The following ZZEF1 variants were observed in gnomAD, a reference collection of about 807,000 sequenced individuals.
ZZEF1 encodes zinc finger ZZ-type and EF-hand domain-containing protein 1.
In ZZEF1, 157 loss-of-function variants were observed where a neutral mutation model predicts 342.8. The observed-to-expected ratio is 0.46, with a 90% confidence interval of 0.40 to 0.52. The LOEUF (loss-of-function observed/expected upper bound fraction) is 0.52, where lower values mean the gene tolerates loss of function less well. ZZEF1 is among the 20% of genes least tolerant of loss of function. The pLI is 0.00. For missense variants in ZZEF1, 3,480 were observed against 3,725.6 expected (o/e 0.93, Z 1.72); for synonymous variants, 1,505 against 1,429.1 (o/e 1.05, Z -1.20).
chr17:4,062,752 C>T lies in ZZEF1; in HGVS notation c.4883+1G>A. On this transcript the variant is annotated splice_donor_variant, in intron 30 of 54. Coordinates refer to ENST00000381638, the MANE Select transcript of ZZEF1 (RefSeq NM_015113.4). LOFTEE classifies it high-confidence loss of function. ...CTTCTGGACCTGTCCTTTGTACTTA[C>T]TTGGTAAAATCTTTCTGACAGGTCA... is the stretch of plus-strand genomic sequence containing the variant. The T allele has an allele frequency of 1.3e-6, 2 of 1,599,404 alleles. No individual in the cohort carries two copies. The highest frequency in any genetic ancestry group is 2.2e-5 in the East Asian group (1 of 44,644).
rs963330662 is a variant in ZZEF1, at chr17:4,016,242, A to G, written c.8145+81T>C. Reference sequence around the variant, plus strand: ...GGAGAGAGCCACAGAGGGGCTGAGCATGGAGGGGCTGAGCACGGAGGGGCT... The same window carrying G: ...GGAGAGAGCCACAGAGGGGCTGAGCGTGGAGGGGCTGAGCACGGAGGGGCT... On this transcript the variant is annotated intron_variant, in intron 49 of 54. Transcript: ENST00000381638. The surrounding 1 kb of genome is among the most constrained non-coding windows in gnomAD (Gnocchi z 4.4). 15 of 1,504,746 alleles carry G rather than the reference A, an allele frequency of 1.0e-5. No homozygotes were observed. The Admixed American group carries it at 2.8e-4, about 28-fold the overall frequency. The allele number at this position is 1,504,746 out of a possible 1,614,324, so 93.2% of individuals were successfully genotyped here.
chr17:4,136,187 T>A (rs1330259677), intron 1 of ZZEF1, among the ~76,000 whole-genome samples: 1 of 150,130 alleles, frequency 6.7e-6, no homozygotes, highest in African/African-American at 2.5e-5. Flanking sequence ...CTACTAAAAA[T>A]ACAGAAATTA....
At chr17:4,078,155 G>A (rs924024053) in intron 18 of ZZEF1, 113 bp from the exon 19 acceptor site, 11 of 1,130,118 alleles carry the variant, frequency 9.7e-6, no homozygotes, top group Middle Eastern at 3.1e-4. Context: ...CTATAGCCAC[G>A]GAAAAGTCAT....
At chr17:4,038,326 C>T (rs913634914) in intron 39 of ZZEF1, among the ~76,000 whole-genome samples, 3 of 152,188 alleles carry the variant, frequency 2.0e-5, no homozygotes, top group African/African-American at 7.2e-5. Context: ...TCAAAAGCCA[C>T]AGACAGGTGT....
chr17:4,074,434 C>T (rs892906631), intron 23 of ZZEF1, 83 bp from the exon 24 acceptor site: 13 of 1,387,336 alleles, frequency 9.4e-6, no homozygotes, highest in African/African-American at 7.1e-5. Context: ...TGACGAGAAA[C>T]ATCTCAGTTT....
chr17:4,040,560 C>T (rs532507093), intron 39 of ZZEF1, among the ~76,000 whole-genome samples: 9 of 152,204 alleles, frequency 5.9e-5, no homozygotes, highest in Non-Finnish European at 1.0e-4. Flanking sequence ...AAAGGTTACA[C>T]TGTTAATTAA....
At position 4,075,146 on chromosome 17, in the gene ZZEF1, C is replaced by T; in HGVS notation, c.3434G>A (p.Gly1145Asp). Reference protein sequence around the residue: ...YDYLEFTDARGRKTRYDTKVG... With the variant: ...YDYLEFTDARDRKTRYDTKVG... Reference sequence around the variant, plus strand: ...TTTTGTGTCATAGCGTGTTTTCCGACCTCTAGCGTCGGTAAATTCCAGATA... The same window carrying T: ...TTTTGTGTCATAGCGTGTTTTCCGATCTCTAGCGTCGGTAAATTCCAGATA... Residue 1145 changes from glycine (G) to aspartate (D), a missense_variant, in exon 23 of 55, where the codon GGT becomes GAT. Physicochemically the swap from Gly to Asp is moderately conservative, Grantham distance 94. Around this residue, in one of 5 missense-constraint regions of ZZEF1, gnomAD observed 1,528 missense variants for 1,624.1 expected, o/e 0.94. Transcript: ENST00000381638. 1 of 1,614,230 alleles carries T rather than the reference C, an allele frequency of 6.2e-7. No homozygotes were observed. Among genetic ancestry groups the T allele is most frequent in the Non-Finnish European group, 8.5e-7 (1 of 1,180,050 alleles).
Position 4,054,067 on chromosome 17 carries a change from A to C in ZZEF1, c.5424T>G (p.Thr1808=). The C allele has an allele frequency of 6.2e-7, 1 of 1,610,352 alleles. No homozygotes were observed. Among genetic ancestry groups the C allele is most frequent in the Non-Finnish European group, 8.5e-7 (1 of 1,177,942 alleles). ...LQCSDMDLCK[T]CFLGGVKPEG... ...GTTCATGAAATTTACCTAGGAAGCA[A>C]GTTTTGCAGAGATCCATGTCGCTGC... Residue 1808 remains threonine, a synonymous_variant, in exon 34 of 55, where the codon ACT becomes ACG. Coordinates refer to ENST00000381638, the MANE Select transcript of ZZEF1 (RefSeq NM_015113.4).
At chr17:4,069,623 G>A (rs1165574659) in intron 26 of ZZEF1, among the ~76,000 whole-genome samples, 1 of 152,184 alleles carries the variant, frequency 6.6e-6, no homozygotes, top group Non-Finnish European at 1.5e-5. Flanking sequence ...CTGAGGTCAG[G>A]AGTTCAAGAC....
chr17:4,075,066 G>A (rs779554541), intron 23 of ZZEF1, 31 bp downstream of exon 23: 1 of 1,603,754 alleles, frequency 6.2e-7, no homozygotes, highest in South Asian at 1.1e-5. Flanking sequence ...TGGTGCAGAA[G>A]TAGGTACCTC....
chr17:4,071,661 G>A (rs925216221), intron 25 of ZZEF1, among the ~76,000 whole-genome samples: 12 of 152,338 alleles, frequency 7.9e-5, no homozygotes, highest in Admixed American at 2.0e-4. Flanking sequence ...GGAGACAGGT[G>A]AGGACAGGGG....
chr17:4,075,158 G>C lies in ZZEF1; in HGVS notation c.3422C>G (p.Thr1141Ser). ...TEKRYDYLEF[T>S]DARGRKTRYD... is the part of the protein sequence containing the mutation. ...GCGTGTTTTCCGACCTCTAGCGTCG[G>C]TAAATTCCAGATAATCATACCTGTG... The change falls in exon 23 of 55, where the codon ACC becomes AGC. Residue 1141 changes from threonine (T) to serine (S), a missense_variant. By Grantham distance (58) the Thr-to-Ser change is moderately conservative. Transcript: ENST00000381638. 2 of 1,614,202 alleles carry C rather than the reference G, an allele frequency of 1.2e-6. No homozygotes were observed. The highest frequency in any genetic ancestry group is 1.7e-6 in the Non-Finnish European group (2 of 1,180,030).
At chr17:4,140,640 C>T (rs2058828421) in intron 1 of ZZEF1, among the ~76,000 whole-genome samples, 1 of 152,152 alleles carries the variant, frequency 6.6e-6, no homozygotes, top group Non-Finnish European at 1.5e-5. Flanking sequence ...ATTTCTGGAC[C>T]ACACCTCAAG....
intron 37 of ZZEF1, among the ~76,000 whole-genome samples, 192 bp downstream of exon 37, chr17:4,049,516 A>G (rs557461392): frequency 5.9e-5 from 9 of 152,290 alleles, no homozygotes; most frequent in South Asian, 4.1e-4. Context: ...GTTTCAAAAC[A>G]AAACAAAAGA....
chr17:4,054,243 C>A (rs1168564741), intron 33 of ZZEF1, 48 bp from the exon 34 acceptor site: 2 of 1,576,774 alleles, frequency 1.3e-6, no homozygotes, highest in Admixed American at 3.5e-5. Context: ...TCTAAGGTGG[C>A]CACAATTCAC....
At chr17:4,096,807 G>T in intron 9 of ZZEF1, 107 bp from the exon 10 acceptor site, 1 of 850,478 alleles carries the variant, frequency 1.2e-6, no homozygotes, top group South Asian at 1.5e-5. Flanking sequence ...GGGGTAACTG[G>T]TCTGATATCT....
At chr17:4,009,381 T>C (rs934253503) in intron 53 of ZZEF1, 9 of 624,664 alleles carry the variant, frequency 1.4e-5, no homozygotes, top group East Asian at 5.6e-5. Context: ...TTCTCCCCCA[T>C]TGGCTCTAGG....
At position 4,028,889 on chromosome 17, in the gene ZZEF1, T is replaced by C. The variant is rs930762853; in HGVS notation, c.6892+3237A>G. Among the ~76,000 whole-genome samples, 6 of 152,346 alleles carry C rather than the reference T, an allele frequency of 3.9e-5. No homozygotes were observed. The South Asian group carries it at 1.0e-3, about 26-fold the overall frequency. On this transcript the variant is annotated intron_variant, in intron 42 of 54. Coordinates refer to ENST00000381638, the MANE Select transcript of ZZEF1 (RefSeq NM_015113.4). ...TCTGAGGATACTAAAGGATGACTAC[T>C]CTATGCAAATGCTATTTTTAAAAAT...
chr17:4,014,595 T>G lies in ZZEF1; in HGVS notation c.8146-80A>C. The G allele has an allele frequency of 6.8e-7, 1 of 1,476,080 alleles. No homozygotes were observed. The highest frequency in any genetic ancestry group is 9.4e-7 in the Non-Finnish European group (1 of 1,066,122). 91.4% of individuals were successfully genotyped at this position (1,476,080 alleles called of 1,614,324 possible). A position where few individuals can be genotyped will look rare whatever the true frequency, so the allele number is the denominator to read the frequency against. ...TGCAGCTGTCCCATGCCGAGTCCTG[T>G]GGCTGGACCCGGGTGTGTGAGAATG... On this transcript the variant is annotated intron_variant, in intron 49 of 54. Transcript: ENST00000381638. This position sits in a 1 kb window ranked among gnomAD's most constrained non-coding sequence, Gnocchi z 4.4.
Sources: allele counts gnomAD v4.1 joint callset (sites outside exome capture counted in the v4.1 genomes callset), GRCh38; gene constraint gnomAD v4.1.1; regional missense constraint gnomAD v4.1.1; non-coding constraint Gnocchi (gnomAD v3.1); transcripts MANE v1.5; gene names NCBI Gene and HGNC (gene_info 2026-07-23, HGNC 2026-07-21).